The following DIAPH3 variants were observed in gnomAD, a reference collection of about 807,000 sequenced individuals.
DIAPH3 encodes diaphanous related formin 3.
DIAPH3 carries 117 observed loss-of-function variants against 144.3 expected under a neutral mutation model. That is an observed-to-expected ratio of 0.81 (90% CI 0.70 to 0.95). The LOEUF (loss-of-function observed/expected upper bound fraction) is 0.95, where lower values mean the gene tolerates loss of function less well. Ranked by LOEUF, DIAPH3 falls within the 40% of genes least tolerant of loss-of-function variation. The pLI is 0.00. For missense variants in DIAPH3, 1,421 were observed against 1,412.7 expected, an observed-to-expected ratio of 1.01 and a Z score of -0.09; for synonymous variants, 519 against 488.9, an observed-to-expected ratio of 1.06 and a Z score of -0.81.
chr13:60,160,231 G>GA (rs1304477334), intron 1 of DIAPH3, among the ~76,000 whole-genome samples: 1 of 151,126 alleles, frequency 6.6e-6, no homozygotes, highest in Non-Finnish European at 1.5e-5. Flanking sequence ...CTCAAAAAAA[G>GA]AAAAAAAAGA....
intron 1 of DIAPH3, among the ~76,000 whole-genome samples, chr13:60,148,094 A>G (rs947012934): frequency 1.3e-5 from 2 of 152,226 alleles, no homozygotes; most frequent in Admixed American, 6.5e-5. Flanking sequence ...GAAGTTAAAG[A>G]TCAAGAAGTT....
At chr13:59,731,928 T>C (rs751571494) in intron 27 of DIAPH3, among the ~76,000 whole-genome samples, 15 of 152,178 alleles carry the variant, frequency 9.9e-5, no homozygotes, top group Non-Finnish European at 1.9e-4. Context: ...TGGTGTCTTA[T>C]GTCACTGAAA....
At chr13:60,027,611 A>G (rs2054470570) in intron 5 of DIAPH3, among the ~76,000 whole-genome samples, 1 of 152,212 alleles carries the variant, frequency 6.6e-6, no homozygotes, top group African/African-American at 2.4e-5. Context: ...ATGAAAAAAC[A>G]GTAAAACAAG....
chr13:59,865,401 C>T (rs1252716831), intron 21 of DIAPH3, among the ~76,000 whole-genome samples: 5 of 151,900 alleles, frequency 3.3e-5, no homozygotes, highest in African/African-American at 1.2e-4. Flanking sequence ...CTTTGTAACG[C>T]TAAATCTTGG....
chr13:59,786,087 G>T (rs2039017659), intron 25 of DIAPH3, among the ~76,000 whole-genome samples: 1 of 152,140 alleles, frequency 6.6e-6, no homozygotes, highest in Non-Finnish European at 1.5e-5. Flanking sequence ...CAGCACTATA[G>T]CCTGGGTGAC....
chr13:59,854,223 T>C (rs958642838), intron 22 of DIAPH3, among the ~76,000 whole-genome samples: 1 of 152,092 alleles, frequency 6.6e-6, no homozygotes, highest in African/African-American at 2.4e-5. Context: ...AAGAGAAGCA[T>C]GGATGCTTCC....
At chr13:59,835,157 C>T (rs751591562) in intron 23 of DIAPH3, among the ~76,000 whole-genome samples, 4 of 151,748 alleles carry the variant, frequency 2.6e-5, no homozygotes, top group African/African-American at 4.8e-5. Flanking sequence ...TCCTATGTGT[C>T]TAATATATTT....
chr13:59,919,258 T>A (rs1190639765), intron 18 of DIAPH3, among the ~76,000 whole-genome samples: 1 of 152,068 alleles, frequency 6.6e-6, no homozygotes, highest in Non-Finnish European at 1.5e-5. Flanking sequence ...TTTTAAAAAG[T>A]AATAGCAGAA....
chr13:59,783,702 C>T (rs186749194), intron 25 of DIAPH3, among the ~76,000 whole-genome samples: 273 of 152,228 alleles, frequency 1.8e-3, no homozygotes, highest in African/African-American at 6.3e-3. Context: ...TCCCCCTAAA[C>T]GTTGAAAGGG....
intron 27 of DIAPH3, among the ~76,000 whole-genome samples, chr13:59,697,396 C>T (rs2033864700): frequency 7.9e-6 from 1 of 126,014 alleles, no homozygotes; most frequent in Admixed American, 1.0e-4. Flanking sequence ...GGAGGCGGAG[C>T]TTGCAGTGAG....
At chr13:60,011,292 A>G (rs976050516) in intron 7 of DIAPH3, among the ~76,000 whole-genome samples, 3 of 152,162 alleles carry the variant, frequency 2.0e-5, no homozygotes, top group African/African-American at 7.2e-5. Context: ...CAACAGAAGC[A>G]TATGAAACAA....
intron 27 of DIAPH3, among the ~76,000 whole-genome samples, chr13:59,715,497 T>C (rs1249271891): frequency 6.6e-6 from 1 of 152,198 alleles, no homozygotes; most frequent in Non-Finnish European, 1.5e-5. Flanking sequence ...CATAACATCC[T>C]TGACAAGCAA....
intron 17 of DIAPH3, among the ~76,000 whole-genome samples, chr13:59,940,965 G>C (rs962044176): frequency 6.6e-6 from 1 of 152,164 alleles, no homozygotes; most frequent in Non-Finnish European, 1.5e-5. Flanking sequence ...ATGATAACTG[G>C]AGATTAATAT....
At chr13:59,770,090 C>T (rs2038046033) in intron 27 of DIAPH3, among the ~76,000 whole-genome samples, 1 of 152,084 alleles carries the variant, frequency 6.6e-6, no homozygotes, top group Non-Finnish European at 1.5e-5. Flanking sequence ...CCCTCCCCTA[C>T]ATCTGATCCG....
At chr13:59,697,643 T>C (rs1403698196) in intron 27 of DIAPH3, among the ~76,000 whole-genome samples, 1 of 151,866 alleles carries the variant, frequency 6.6e-6, no homozygotes, top group African/African-American at 2.4e-5. Flanking sequence ...TCTGACAGAG[T>C]TATTATTAGA....
Position 60,163,820 on chromosome 13 carries a change from A to G in DIAPH3, c.-54T>C. The stretch of plus-strand genomic sequence containing the variant: ...GAAGGTGGCCACTCAGCAAGCCGCA[A>G]GCTGGAAGCTGAGGGATCGACAACA... On this transcript the variant is annotated 5_prime_UTR_variant, in exon 1 of 28. Transcript: ENST00000400324. The G allele has an allele frequency of 6.5e-7, 1 of 1,535,518 alleles. No homozygotes were observed. The highest frequency in any genetic ancestry group is 8.7e-7 in the Non-Finnish European group (1 of 1,144,902).
At position 60,105,099 on chromosome 13, in the gene DIAPH3, C is replaced by CAAAAAAAAAAAA. The variant is rs60853102; in HGVS notation, c.390+6899_390+6910dup. 6.7e-3 allele frequency among the ~76,000 whole-genome samples: 278 copies of CAAAAAAAAAAAA among 41,802 alleles called. 19 individuals are homozygous for CAAAAAAAAAAAA. The highest frequency in any genetic ancestry group is 0.025 in the African/African-American group (248 of 9,880). 27.4% of individuals were successfully genotyped at this position (41,802 alleles called of 152,430 possible). A position where few individuals can be genotyped will look rare whatever the true frequency, so the allele number is the denominator to read the frequency against. ...TGGGCGACAAAGTGAGACACGATCT[C>CAAAAAAAAAAAA]AAAAAAAAAAAAAAAAAAAAAAAAA... On this transcript the variant is annotated intron_variant, in intron 3 of 27. Transcript: ENST00000400324.
intron 27 of DIAPH3, among the ~76,000 whole-genome samples, chr13:59,760,345 G>T (rs1467373952): frequency 6.6e-6 from 1 of 152,120 alleles, no homozygotes; most frequent in Admixed American, 6.5e-5. Context: ...TCTGTTCATG[G>T]TTTATCAAAT....
intron 25 of DIAPH3, among the ~76,000 whole-genome samples, chr13:59,778,153 T>C (rs988540859): frequency 6.6e-6 from 1 of 152,228 alleles, no homozygotes; most frequent in Non-Finnish European, 1.5e-5. Flanking sequence ...ACAGAACATC[T>C]GTCTCACTTT....
Sources: allele counts gnomAD v4.1 joint callset (sites outside exome capture counted in the v4.1 genomes callset), GRCh38; gene constraint gnomAD v4.1.1; transcripts MANE v1.5; gene names NCBI Gene and HGNC (gene_info 2026-07-23, HGNC 2026-07-21).